The following CNBD1 variants were observed in gnomAD, a reference collection of about 807,000 sequenced individuals.
CNBD1 encodes the protein cyclic nucleotide binding domain containing 1, also known as cyclic nucleotide-binding domain-containing protein 1.
CNBD1 carries 71 observed loss-of-function variants against 54.4 expected under a neutral mutation model. The observed-to-expected ratio is 1.30, with a 90% CI of 1.08 to 1.59. The LOEUF is 1.59. CNBD1 is among the 40% of genes most tolerant of loss of function. CNBD1 has a pLI of 0.00. For missense variants in CNBD1, 659 were observed against 518.0 expected (o/e 1.27, Z -2.64); for synonymous variants, 182 against 170.7 (o/e 1.07, Z -0.51).
At chr8:87,323,835 C>G (rs1357115604) in intron 8 of CNBD1, among the ~76,000 whole-genome samples, 1 of 125,414 alleles carries the variant, frequency 8.0e-6, no homozygotes, top group Non-Finnish European at 1.8e-5. Flanking sequence ...ACTTCCAACA[C>G]TGTGTTGAAT....
intron 2 of CNBD1, among the ~76,000 whole-genome samples, chr8:86,897,620 C>T (rs149706168): frequency 7.9e-4 from 120 of 152,278 alleles, no homozygotes; most frequent in African/African-American, 2.8e-3. Context: ...CAGCCAATTC[C>T]AGAAATGTCA....
chr8:87,127,082 A>T (rs1375168955), intron 4 of CNBD1, among the ~76,000 whole-genome samples: 1 of 151,866 alleles, frequency 6.6e-6, no homozygotes, highest in Non-Finnish European at 1.5e-5. Context: ...CTTTATAATA[A>T]ATAAGTAATG....
chr8:87,155,131 A>C (rs1812686900), intron 4 of CNBD1, among the ~76,000 whole-genome samples: 1 of 152,168 alleles, frequency 6.6e-6, no homozygotes, highest in African/African-American at 2.4e-5. Context: ...AGAATAAACA[A>C]TATTTCCAAC....
chr8:86,923,055 C>G (rs1357351145), intron 3 of CNBD1, among the ~76,000 whole-genome samples: 1 of 152,086 alleles, frequency 6.6e-6, no homozygotes, highest in Non-Finnish European at 1.5e-5. Context: ...TCTCCAGGTC[C>G]TTGGCGTTTT....
chr8:87,421,384 A>G (rs1807933318), intron 2 of CNBD1, among the ~76,000 whole-genome samples: 1 of 150,084 alleles, frequency 6.7e-6, no homozygotes, highest in Admixed American at 6.6e-5. Flanking sequence ...CTAACTCGTC[A>G]TCTAGCATTA....
intron 8 of CNBD1, among the ~76,000 whole-genome samples, chr8:87,287,027 T>G (rs985956646): frequency 6.6e-6 from 1 of 152,176 alleles, no homozygotes; most frequent in African/African-American, 2.4e-5. Context: ...AAACCATTTT[T>G]TTCTTTTCCT....
At chr8:87,022,380 TGTTAA>T (rs1387984298) in intron 4 of CNBD1, among the ~76,000 whole-genome samples, 1 of 152,180 alleles carries the variant, frequency 6.6e-6, no homozygotes, top group Non-Finnish European at 1.5e-5. Context: ...CCCTCTTTGT[TGTTAA>T]GTTATCAGGA....
rs77634017 is a variant in CNBD1, at chr8:87,078,136, A to G, written c.432-127857A>G. 5.3e-3 allele frequency among the ~76,000 whole-genome samples: 800 copies of G among 152,322 alleles called. 13 individuals carry two copies. Among genetic ancestry groups the G allele is most frequent in the African/African-American group, 0.018 (768 of 41,576 alleles). On this transcript the variant is annotated intron_variant, in intron 4 of 10. Transcript: ENST00000518476. ...AGTTCATTAGAATTGGGCAAGCTTC[A>G]GGATATAATATTTTAAAAGTGATAG...
chr8:87,313,112 C>T (rs1339607362), intron 8 of CNBD1, among the ~76,000 whole-genome samples: 1 of 151,940 alleles, frequency 6.6e-6, no homozygotes, highest in Non-Finnish European at 1.5e-5. Context: ...AGGATTTTTA[C>T]TAAAATACCA....
Position 87,166,606 on chromosome 8 carries a change from G to C in CNBD1, c.432-39387G>C, listed in dbSNP as rs1368952418. On this transcript the variant is annotated intron_variant, in intron 4 of 10. Coordinates refer to ENST00000518476, the MANE Select transcript of CNBD1 (RefSeq NM_173538.3). The surrounding 1 kb of genome is among the most constrained non-coding windows in gnomAD (Gnocchi z 4.3). The stretch of plus-strand genomic sequence containing the variant: ...TTTCTCAATGTTCATTATTTCCAAA[G>C]TCCAGCCCTTCTCACAGTTCTCTGG... Among the ~76,000 whole-genome samples, 1 of 151,930 alleles carries C rather than the reference G, an allele frequency of 6.6e-6. No homozygotes were observed. Among genetic ancestry groups the C allele is most frequent in the Admixed American group, 6.6e-5 (1 of 15,200 alleles).
At chr8:87,339,310 G>T (rs112151394) in intron 8 of CNBD1, among the ~76,000 whole-genome samples, 1 of 151,426 alleles carries the variant, frequency 6.6e-6, no homozygotes, top group Admixed American at 6.6e-5. Flanking sequence ...TGGAGTTTTT[G>T]TGTCTCAGGC....
At chr8:87,312,172 G>A (rs10099177) in intron 8 of CNBD1, among the ~76,000 whole-genome samples, 1 of 151,734 alleles carries the variant, frequency 6.6e-6, no homozygotes, top group South Asian at 2.1e-4. Flanking sequence ...TGTAATTTTC[G>A]CAATAAAACA....
intron 8 of CNBD1, among the ~76,000 whole-genome samples, chr8:87,338,364 G>C (rs966718893): frequency 4.6e-5 from 7 of 152,110 alleles, no homozygotes; most frequent in Non-Finnish European, 1.0e-4. Context: ...AGGCAGGTCT[G>C]ACAGCAACAA....
At chr8:87,096,804 C>CTTT (rs200048715) in intron 4 of CNBD1, among the ~76,000 whole-genome samples, 5 of 145,774 alleles carry the variant, frequency 3.4e-5, no homozygotes, top group Non-Finnish European at 3.0e-5. Flanking sequence ...TTTTTCTTCC[C>CTTT]TTTTTTTTTT....
intron 8 of CNBD1, among the ~76,000 whole-genome samples, chr8:87,300,865 A>C (rs368248064): frequency 6.6e-6 from 1 of 152,250 alleles, no homozygotes; most frequent in South Asian, 2.1e-4. Flanking sequence ...ATCTTTTGTG[A>C]AGACTAAAAA....
At position 87,284,758 on chromosome 8, in the gene CNBD1, A is replaced by G. The variant is rs1258180806; in HGVS notation, c.852A>G (p.Thr284=). 1 of 1,596,540 alleles carries G rather than the reference A, an allele frequency of 6.3e-7. No homozygotes were observed. The highest frequency in any genetic ancestry group is 2.3e-5 in the East Asian group (1 of 44,432). The change falls in exon 7 of 11, where the codon ACA becomes ACG. Residue 284 remains threonine, a synonymous_variant. Coordinates refer to ENST00000518476, the MANE Select transcript of CNBD1 (RefSeq NM_173538.3). ...ESETQMFSVV[T]EDDCEILKIP... ...AAACACAGATGTTCTCGGTGGTGAC[A>G]GAAGACGATTGTGAAATTCTTAAAA...
At chr8:87,269,235 A>G (rs964248072) in intron 6 of CNBD1, among the ~76,000 whole-genome samples, 5 of 151,996 alleles carry the variant, frequency 3.3e-5, no homozygotes, top group African/African-American at 1.2e-4. Context: ...GGCTGTAGGT[A>G]TATGGCTTTA....
chr8:86,922,601 A>G (rs749617559), intron 3 of CNBD1, among the ~76,000 whole-genome samples: 7 of 152,178 alleles, frequency 4.6e-5, no homozygotes, highest in Non-Finnish European at 1.5e-5. Flanking sequence ...GGCTACAGGC[A>G]TAAGATTTGC....
Position 87,050,304 on chromosome 8 carries a change from A to G in CNBD1, c.431+110550A>G, listed in dbSNP as rs1810286493. Among the ~76,000 whole-genome samples the G allele has an allele frequency of 2.6e-5, 4 of 152,324 alleles. No individual in the cohort carries two copies. In the South Asian group the frequency reaches 8.3e-4, roughly 32 times the overall value. ...TGTTCTAGTTCCCTCTGACAGGAGTAAACCTAGGTACTTCACTGAGGTTTG... is the reference window on the plus strand; with the variant it reads ...TGTTCTAGTTCCCTCTGACAGGAGTGAACCTAGGTACTTCACTGAGGTTTG... On this transcript the variant is annotated intron_variant, in intron 4 of 10. Coordinates refer to ENST00000518476, the MANE Select transcript of CNBD1 (RefSeq NM_173538.3).
Sources: gnomAD v4.1 joint callset for allele counts (sites outside exome capture counted in the v4.1 genomes callset) on GRCh38, gnomAD v4.1.1 for gene constraint, Gnocchi (gnomAD v3.1) non-coding constraint, MANE v1.5 for transcripts, NCBI Gene and HGNC (gene_info 2026-07-23, HGNC 2026-07-21) for gene names.